The following ZNF704 variants were observed in gnomAD, a reference collection of about 807,000 sequenced individuals.
ZNF704 encodes the protein zinc finger protein 704, also known as glucocorticoid induced gene 1.
Under a neutral mutation model 44.7 loss-of-function variants are expected in ZNF704, and 10 were observed. The ratio of observed to expected loss-of-function variants is 0.22; its 90% CI spans 0.14 to 0.38. ZNF704 has a LOEUF of 0.38. Ranked by LOEUF, ZNF704 falls within the 10% of genes least tolerant of loss-of-function variation. ZNF704 has a pLI of 1.00. For synonymous variants in ZNF704, 211 were observed against 207.6 expected (o/e 1.02, Z -0.14); for missense variants, 390 against 545.5 (o/e 0.71, Z 2.84).
chr8:80,822,826 T>C (rs1266642474), intron 1 of ZNF704, among the ~76,000 whole-genome samples: 1 of 152,252 alleles, frequency 6.6e-6, no homozygotes, highest in Non-Finnish European at 1.5e-5. Flanking sequence ...CATGTGTCTG[T>C]TGGCTGCACA....
At chr8:80,837,528 A>G (rs1808602395) in intron 1 of ZNF704, among the ~76,000 whole-genome samples, 1 of 152,178 alleles carries the variant, frequency 6.6e-6, no homozygotes, top group Non-Finnish European at 1.5e-5. Flanking sequence ...CCATCCTCCA[A>G]GGTGAATTGT....
intron 2 of ZNF704, among the ~76,000 whole-genome samples, chr8:80,810,880 G>A (rs1034218148): frequency 6.6e-6 from 1 of 152,184 alleles, no homozygotes; most frequent in Non-Finnish European, 1.5e-5. Flanking sequence ...TTGATGAAAC[G>A]CTTCCCTCCT....
At chr8:80,811,094 A>AGCT (rs550680685) in intron 2 of ZNF704, among the ~76,000 whole-genome samples, 2 of 152,226 alleles carry the variant, frequency 1.3e-5, no homozygotes, top group Non-Finnish European at 2.9e-5. Context: ...TTTATTCTAA[A>AGCT]GCTGCACTGT....
At chr8:80,647,451 T>C (rs1817851213) in intron 7 of ZNF704, among the ~76,000 whole-genome samples, 1 of 151,454 alleles carries the variant, frequency 6.6e-6, no homozygotes, top group Non-Finnish European at 1.5e-5. Context: ...AGTAAGCCAT[T>C]GGAGTGTTTT....
chr8:80,845,389 T>C (rs1286347266), intron 1 of ZNF704, among the ~76,000 whole-genome samples: 1 of 152,224 alleles, frequency 6.6e-6, no homozygotes, highest in Non-Finnish European at 1.5e-5. Context: ...ATAAAAGTAG[T>C]GCTGATCCAA....
chr8:80,653,850 A>G lies in ZNF704; in HGVS notation c.1032+5735T>C, dbSNP rs567764528. Reference sequence around the variant, plus strand: ...ATCGGAAAAAACTACTTTAAAGTTCATATGGAACCAAAAAAGAGCCCGCAT... The same window carrying G: ...ATCGGAAAAAACTACTTTAAAGTTCGTATGGAACCAAAAAAGAGCCCGCAT... On this transcript the variant is annotated intron_variant, in intron 7 of 8. Transcript: ENST00000327835. 4.2e-3 allele frequency among the ~76,000 whole-genome samples: 634 copies of G among 152,328 alleles called. 3 individuals are homozygous for G. Among genetic ancestry groups the G allele is most frequent in the African/African-American group, 0.015 (617 of 41,572 alleles).
chr8:80,726,400 T>G (rs1806481324), intron 2 of ZNF704, among the ~76,000 whole-genome samples: 2 of 152,302 alleles, frequency 1.3e-5, no homozygotes, highest in South Asian at 4.1e-4. Flanking sequence ...AAGACACTTT[T>G]CAGCTACAGG....
At chr8:80,857,504 A>G (rs946748183) in intron 1 of ZNF704, among the ~76,000 whole-genome samples, 1 of 152,160 alleles carries the variant, frequency 6.6e-6, no homozygotes, top group Non-Finnish European at 1.5e-5. Context: ...ATCTATTAAT[A>G]CAGTAATCTA....
intron 2 of ZNF704, among the ~76,000 whole-genome samples, chr8:80,756,662 A>G (rs1345572868): frequency 6.6e-6 from 1 of 152,258 alleles, no homozygotes; most frequent in Non-Finnish European, 1.5e-5. Context: ...ACAATGCATA[A>G]TTTTGGTGAA....
chr8:80,753,290 CA>C (rs1806979259), intron 2 of ZNF704, among the ~76,000 whole-genome samples: 1 of 152,224 alleles, frequency 6.6e-6, no homozygotes, highest in African/African-American at 2.4e-5. Flanking sequence ...TGCAGTGCAG[CA>C]AAGCCAAACT....
chr8:80,766,949 G>A (rs1807238099), intron 2 of ZNF704, among the ~76,000 whole-genome samples: 1 of 152,068 alleles, frequency 6.6e-6, no homozygotes, highest in South Asian at 2.1e-4. Context: ...CTGACCTCAG[G>A]TGATCTGCCC....
At chr8:80,861,201 T>A (rs943961649) in intron 1 of ZNF704, among the ~76,000 whole-genome samples, 1 of 152,162 alleles carries the variant, frequency 6.6e-6, no homozygotes, top group Admixed American at 6.5e-5. Context: ...GAACTTGTCT[T>A]TGTCTTTTAT....
chr8:80,656,194 T>G (rs865792547), intron 7 of ZNF704, among the ~76,000 whole-genome samples: 27 of 152,070 alleles, frequency 1.8e-4, no homozygotes, highest in African/African-American at 4.8e-4. Context: ...TTTCTCTCTC[T>G]CTCTCTTTCT....
intron 2 of ZNF704, among the ~76,000 whole-genome samples, chr8:80,766,712 T>C (rs1039099769): frequency 1.3e-5 from 2 of 152,134 alleles, no homozygotes; most frequent in African/African-American, 4.8e-5. Flanking sequence ...CTGACTCTTA[T>C]TTTTATTTTT....
chr8:80,638,291 G>A lies in ZNF704; in HGVS notation c.*3075C>T, dbSNP rs1817691265. 1 of 152,072 alleles carries A rather than the reference G, an allele frequency of 6.6e-6. No individual in the cohort carries two copies. The highest frequency in any genetic ancestry group is 2.1e-4 in the South Asian group (1 of 4,810). The allele number at this position is 152,072 out of a possible 1,614,324, so 9.4% of individuals were successfully genotyped here. On this transcript the variant is annotated 3_prime_UTR_variant, in exon 9 of 9. Transcript: ENST00000327835. ...AAAAACCTTTTCTGAAGGCTGGGGTGTCAAAGGATAAAAAAAAAATCAAAA... is the reference window on the plus strand; with the variant it reads ...AAAAACCTTTTCTGAAGGCTGGGGTATCAAAGGATAAAAAAAAAATCAAAA...
chr8:80,664,412 C>T (rs1350851852), intron 6 of ZNF704, among the ~76,000 whole-genome samples: 1 of 151,930 alleles, frequency 6.6e-6, no homozygotes, highest in Non-Finnish European at 1.5e-5. Flanking sequence ...GCTGGGATTA[C>T]AGGCATGTGC....
chr8:80,682,570 A>G (rs530058157), intron 4 of ZNF704, among the ~76,000 whole-genome samples: 3 of 152,302 alleles, frequency 2.0e-5, no homozygotes, highest in South Asian at 2.1e-4. Flanking sequence ...TGCACACCCA[A>G]TTGAGCACAG....
At chr8:80,779,780 A>C (rs1211822171) in intron 2 of ZNF704, among the ~76,000 whole-genome samples, 2 of 151,878 alleles carry the variant, frequency 1.3e-5, no homozygotes, top group African/African-American at 4.8e-5. Context: ...TCTCTACAGG[A>C]TAACCGTCTT....
intron 1 of ZNF704, among the ~76,000 whole-genome samples, chr8:80,864,881 G>A (rs1413458938): frequency 6.6e-6 from 1 of 152,040 alleles, no homozygotes; most frequent in Non-Finnish European, 1.5e-5. Flanking sequence ...CTACCCTTTT[G>A]GATAACAGCC....
Sources: allele counts gnomAD v4.1 joint callset (sites outside exome capture counted in the v4.1 genomes callset), GRCh38; gene constraint gnomAD v4.1.1; transcripts MANE v1.5; gene names NCBI Gene and HGNC (gene_info 2026-07-23, HGNC 2026-07-21).